Variants in GALNT18 observed in about 807,000 individuals in gnomAD.
The protein encoded by GALNT18 is GalNAc-transferase 18.
A neutral mutation model predicts 69.5 loss-of-function variants in GALNT18; 44 were observed. The ratio of observed to expected loss-of-function variants is 0.63; its 90% CI spans 0.50 to 0.81. The LOEUF is 0.81. Among genes scored for constraint, GALNT18 ranks in the 40% least tolerant of loss-of-function variants. The probability of loss-of-function intolerance (pLI) is 0.00; values close to 1 mark genes in which losing one functional copy is unlikely to be tolerated. For synonymous variants in GALNT18, 364 were observed against 318.2 expected (o/e 1.14, Z -1.53); for missense variants, 715 against 810.0 (o/e 0.88, Z 1.42).
At chr11:11,285,453 C>G (rs1353465955) in intron 10 of GALNT18, among the ~76,000 whole-genome samples, 2 of 152,022 alleles carry the variant, frequency 1.3e-5, no homozygotes, top group Non-Finnish European at 2.9e-5. Context: ...AAAATCTCAC[C>G]CAGGTCTGGG....
chr11:11,513,332 A>G (rs1194632546), intron 1 of GALNT18, among the ~76,000 whole-genome samples: 1 of 152,250 alleles, frequency 6.6e-6, no homozygotes, highest in African/African-American at 2.4e-5. Context: ...CACATTGCAG[A>G]GGGTTGATAA....
Position 11,598,241 on chromosome 11 carries a change from T to C in GALNT18, c.235+23118A>G, listed in dbSNP as rs1284101029. Among the ~76,000 whole-genome samples, 1 of 150,774 alleles carries C rather than the reference T, an allele frequency of 6.6e-6. No individual in the cohort carries two copies. Among genetic ancestry groups the C allele is most frequent in the Non-Finnish European group, 1.5e-5 (1 of 68,022 alleles). Reference sequence around the variant, plus strand: ...AATCTATAACAAATTATAACTGTAATCTATAACAAATTATTATAAACCCAA... The same window carrying C: ...AATCTATAACAAATTATAACTGTAACCTATAACAAATTATTATAAACCCAA... On this transcript the variant is annotated intron_variant, in intron 1 of 10. Coordinates refer to ENST00000227756, the MANE Select transcript of GALNT18 (RefSeq NM_198516.3). This position sits in a 1 kb window ranked among gnomAD's most constrained non-coding sequence, Gnocchi z 4.8.
chr11:11,386,589 TTC>T (rs1246245137), intron 3 of GALNT18, among the ~76,000 whole-genome samples: 3 of 152,242 alleles, frequency 2.0e-5, no homozygotes, highest in Non-Finnish European at 4.4e-5. Context: ...TATTTCTCTC[TTC>T]TCTCAATCTC....
At chr11:11,481,399 G>T (rs1856527171) in intron 1 of GALNT18, among the ~76,000 whole-genome samples, 1 of 152,164 alleles carries the variant, frequency 6.6e-6, no homozygotes, top group Non-Finnish European at 1.5e-5. Context: ...ACCTGGTAAG[G>T]GGGAAACATG....
intron 3 of GALNT18, among the ~76,000 whole-genome samples, chr11:11,431,483 T>C (rs935547130): frequency 5.3e-5 from 8 of 152,166 alleles, no homozygotes; most frequent in African/African-American, 1.9e-4. Context: ...CCTATTTGCA[T>C]CCTCGATGCC....
intron 1 of GALNT18, among the ~76,000 whole-genome samples, chr11:11,545,663 C>T (rs908631911): frequency 1.3e-5 from 2 of 152,208 alleles, no homozygotes; most frequent in African/African-American, 4.8e-5. Flanking sequence ...CACTAAAAAG[C>T]GTTTTCCCAT....
intron 1 of GALNT18, among the ~76,000 whole-genome samples, chr11:11,531,071 G>C (rs2133942102): frequency 6.6e-6 from 1 of 152,326 alleles, no homozygotes; most frequent in African/African-American, 2.4e-5. Flanking sequence ...TTTGCCGGCT[G>C]CCTTCACTGT....
intron 9 of GALNT18, among the ~76,000 whole-genome samples, chr11:11,299,210 T>A (rs1324041360): frequency 1.3e-5 from 2 of 152,160 alleles, no homozygotes; most frequent in African/African-American, 4.8e-5. Context: ...AGTGGCATGA[T>A]CTCAGCTCAC....
chr11:11,376,720 G>T (rs764651531), intron 5 of GALNT18, among the ~76,000 whole-genome samples: 1 of 152,118 alleles, frequency 6.6e-6, no homozygotes. Flanking sequence ...TTGCATATGG[G>T]TGTCCATTCC....
chr11:11,477,462 G>GCCAC (rs1426079996), intron 1 of GALNT18, among the ~76,000 whole-genome samples: 1 of 152,188 alleles, frequency 6.6e-6, no homozygotes, highest in Non-Finnish European at 1.5e-5. Context: ...CAGGCACAAG[G>GCCAC]CCACTTCAAG....
chr11:11,285,337 T>TCCCC, intron 10 of GALNT18, among the ~76,000 whole-genome samples: 1 of 152,186 alleles, frequency 6.6e-6, no homozygotes, highest in Non-Finnish European at 1.5e-5. Context: ...GGGATAATTA[T>TCCCC]AGTAAGTACC....
rs1321738568 is a variant in GALNT18 at position 11,618,592 on chromosome 11, C to T, written c.235+2767G>A. On this transcript the variant is annotated intron_variant, in intron 1 of 10. Transcript: ENST00000227756. This position sits in a 1 kb window ranked among gnomAD's most constrained non-coding sequence, Gnocchi z 6.1. ...GGCCCTCCTGGGAGACAGTTTAGTA[C>T]GTGGGTAAGAACTTAGACTTCTGAA... Among the ~76,000 whole-genome samples, 3 of 152,136 alleles carry T rather than the reference C, an allele frequency of 2.0e-5. No individual in the cohort carries two copies. Among genetic ancestry groups the T allele is most frequent in the South Asian group, 2.1e-4 (1 of 4,820 alleles).
chr11:11,274,150 G>T (rs374436311), intron 10 of GALNT18, among the ~76,000 whole-genome samples: 1 of 152,158 alleles, frequency 6.6e-6, no homozygotes, highest in Non-Finnish European at 1.5e-5. Flanking sequence ...AGTGCACTCC[G>T]GCTCAGATAC....
intron 1 of GALNT18, among the ~76,000 whole-genome samples, chr11:11,526,076 G>T (rs1004317678): frequency 6.6e-6 from 1 of 152,280 alleles, no homozygotes; most frequent in East Asian, 1.9e-4. Context: ...GACATTTGCT[G>T]TAAGTATGCT....
In GALNT18 at chr11:11,469,006, G is replaced by A. The variant is rs114804508; in HGVS notation, c.236-20070C>T. On this transcript the variant is annotated intron_variant, in intron 1 of 10. Transcript: ENST00000227756. This position sits in a 1 kb window ranked among gnomAD's most constrained non-coding sequence, Gnocchi z 4.2. ...AGATGGACAGTCCTATAGACAGATG[G>A]CCATACAGCGGTTGCCAGGGTTTGG... Among the ~76,000 whole-genome samples, 719 of 152,262 alleles carry A rather than the reference G, an allele frequency of 4.7e-3. 6 individuals are homozygous for A. The highest frequency in any genetic ancestry group is 0.016 in the African/African-American group (683 of 41,554).
chr11:11,492,663 C>T (rs112644076), intron 1 of GALNT18, among the ~76,000 whole-genome samples: 34,655 of 150,528 alleles, frequency 0.23, 4,117 homozygotes, highest in East Asian at 0.29. Flanking sequence ...AACCAAACAC[C>T]GCATGTTCTC....
intron 9 of GALNT18, among the ~76,000 whole-genome samples, chr11:11,301,491 T>A (rs1432768428): frequency 1.3e-5 from 2 of 152,190 alleles, no homozygotes; most frequent in African/African-American, 4.8e-5. Context: ...AATGATCTTA[T>A]GTTCATCAAC....
intron 3 of GALNT18, among the ~76,000 whole-genome samples, chr11:11,428,277 C>T (rs1464466314): frequency 1.4e-4 from 21 of 152,256 alleles, no homozygotes; most frequent in Admixed American, 1.3e-3. Context: ...AGAGGGGCCA[C>T]GTCCTCCAGG....
At chr11:11,572,981 T>C (rs1274862155) in intron 1 of GALNT18, among the ~76,000 whole-genome samples, 2 of 152,068 alleles carry the variant, frequency 1.3e-5, no homozygotes, top group African/African-American at 4.8e-5. Flanking sequence ...CTCTTTCAAG[T>C]GGTCACTTCT....
Sources: allele counts gnomAD v4.1 joint callset (sites outside exome capture counted in the v4.1 genomes callset), GRCh38; gene constraint gnomAD v4.1.1; non-coding constraint Gnocchi (gnomAD v3.1); transcripts MANE v1.5; gene names NCBI Gene and HGNC (gene_info 2026-07-23, HGNC 2026-07-21).